SCN11A: variants seen among roughly 807,000 people sequenced by gnomAD.
The protein encoded by SCN11A is sodium voltage-gated channel alpha subunit 11.
Under a neutral mutation model 162.2 loss-of-function variants are expected in SCN11A, and 122 were observed. The ratio of observed to expected loss-of-function variants is 0.75; its 90% confidence interval spans 0.65 to 0.87. SCN11A has a LOEUF of 0.87. Ranked by LOEUF, SCN11A falls within the 40% of genes least tolerant of loss-of-function variation. SCN11A has a pLI of 0.00. For synonymous variants in SCN11A, 758 were observed against 751.5 expected, an observed-to-expected ratio of 1.01 and a Z score of -0.14; for missense variants, 2,015 against 2,181.6, an observed-to-expected ratio of 0.92 and a Z score of 1.52.
At chr3:38,907,310 ATGTGTGTGTGTG>A (rs141158768) in intron 14 of SCN11A, among the ~76,000 whole-genome samples, 66,483 of 119,168 alleles carry the variant, frequency 0.56, 19,854 homozygotes, top group South Asian at 0.68. Flanking sequence ...ACCAACATAT[ATGTGTGTGTGTG>A]TGTGTGTGTG....
intron 3 of SCN11A, among the ~76,000 whole-genome samples, chr3:38,958,953 A>T (rs1346564190): frequency 6.6e-6 from 1 of 152,164 alleles, no homozygotes; most frequent in Admixed American, 6.5e-5. Flanking sequence ...AGAGGCTTTA[A>T]CCTTATACCT....
intron 7 of SCN11A, among the ~76,000 whole-genome samples, chr3:38,937,045 C>A (rs894335924): frequency 1.3e-4 from 20 of 152,100 alleles, no homozygotes; most frequent in African/African-American, 4.6e-4. Context: ...TGGAACAGAA[C>A]AGAGCCCTCA....
chr3:39,048,193 G>C (rs988202737), intron 1 of SCN11A, among the ~76,000 whole-genome samples: 1 of 152,152 alleles, frequency 6.6e-6, no homozygotes, highest in Admixed American at 6.5e-5. Flanking sequence ...TCATAAAAAA[G>C]AATAAAATTA....
At chr3:38,994,827 G>C (rs560573272) in intron 2 of SCN11A, among the ~76,000 whole-genome samples, 70 of 152,116 alleles carry the variant, frequency 4.6e-4, no homozygotes, top group Non-Finnish European at 8.5e-4. Flanking sequence ...ACAGGGCTCT[G>C]GGGGAGAGAC....
In SCN11A at chr3:38,953,217, T is replaced by C. The variant is rs1048853822; in HGVS notation, c.-8+412A>G. On this transcript the variant is annotated intron_variant, in intron 4 of 29. Transcript: ENST00000302328. ...GTGGGAGCTAAATGATAGAAACTCA[T>C]GGACACATAGAGGGGGACAACACAC... Among the ~76,000 whole-genome samples, 9 of 151,944 alleles carry C rather than the reference T, an allele frequency of 5.9e-5. No homozygotes were observed. In the South Asian group the frequency reaches 1.2e-3, roughly 21 times the overall value.
chr3:38,975,142 G>A (rs973219366), intron 2 of SCN11A, among the ~76,000 whole-genome samples: 3 of 151,784 alleles, frequency 2.0e-5, no homozygotes, highest in East Asian at 1.9e-4. Flanking sequence ...TTCAAAAAAC[G>A]ACAGTAAAAT....
At chr3:38,868,930 T>C (rs1444209707) in intron 26 of SCN11A, among the ~76,000 whole-genome samples, 2 of 152,218 alleles carry the variant, frequency 1.3e-5, no homozygotes, top group South Asian at 2.1e-4. Context: ...GGGCCTGTCA[T>C]GTTGGGCCTT....
intron 2 of SCN11A, among the ~76,000 whole-genome samples, chr3:38,961,712 A>AT (rs2066742283): frequency 6.6e-6 from 1 of 152,014 alleles, no homozygotes; most frequent in African/African-American, 2.4e-5. Context: ...TAAAAAAATT[A>AT]TTTTTCTGAT....
chr3:38,929,145 A>G (rs1002156441), intron 7 of SCN11A, among the ~76,000 whole-genome samples: 6 of 108,272 alleles, frequency 5.5e-5, no homozygotes, highest in South Asian at 7.7e-4. Flanking sequence ...GCACACACAC[A>G]CACACACACA....
chr3:38,877,083 CTATATATATGG>C (rs1404889767), intron 23 of SCN11A, among the ~76,000 whole-genome samples: 46 of 39,858 alleles, frequency 1.2e-3, no homozygotes, highest in Admixed American at 2.5e-3. Context: ...GGTGTATATA[CTATATATATGG>C]TATATATATG....
intron 5 of SCN11A, among the ~76,000 whole-genome samples, chr3:38,947,279 A>G (rs1416039521): frequency 6.6e-6 from 1 of 152,244 alleles, no homozygotes; most frequent in East Asian, 1.9e-4. Flanking sequence ...TTTGCAATGA[A>G]TCTTAGAATA....
chr3:39,045,555 T>A (rs1485932512), intron 1 of SCN11A, among the ~76,000 whole-genome samples: 1 of 152,216 alleles, frequency 6.6e-6, no homozygotes, highest in Non-Finnish European at 1.5e-5. Flanking sequence ...AACGATCATC[T>A]TAATCAATGC....
chr3:38,949,056 C>T (rs1267637217), intron 5 of SCN11A, among the ~76,000 whole-genome samples: 1 of 152,226 alleles, frequency 6.6e-6, no homozygotes, highest in Non-Finnish European at 1.5e-5. Flanking sequence ...AATTGAAGTA[C>T]ATGCAAATCA....
chr3:38,878,128 T>TA (rs1420141118), intron 23 of SCN11A, among the ~76,000 whole-genome samples: 3 of 151,512 alleles, frequency 2.0e-5, no homozygotes, highest in Non-Finnish European at 4.4e-5. Context: ...CTTATTCAGG[T>TA]AACCAAACAC....
intron 2 of SCN11A, among the ~76,000 whole-genome samples, chr3:39,024,800 C>T (rs1051510214): frequency 6.7e-6 from 1 of 149,934 alleles, no homozygotes; most frequent in African/African-American, 2.5e-5. Context: ...GCTGGATATC[C>T]CCAGTCTATT....
intron 2 of SCN11A, among the ~76,000 whole-genome samples, chr3:38,972,378 G>T (rs1158299874): frequency 6.6e-6 from 1 of 152,106 alleles, no homozygotes; most frequent in Non-Finnish European, 1.5e-5. Flanking sequence ...TTGGGTCATT[G>T]GCAGCCCAGG....
chr3:38,979,871 A>AC (rs1327988573), intron 2 of SCN11A, among the ~76,000 whole-genome samples: 1 of 152,180 alleles, frequency 6.6e-6, no homozygotes, highest in Non-Finnish European at 1.5e-5. Context: ...CCATTTCCCC[A>AC]CAGATCACAT....
chr3:38,890,654 T>C (rs938565668), intron 19 of SCN11A, among the ~76,000 whole-genome samples: 2 of 152,254 alleles, frequency 1.3e-5, no homozygotes, highest in African/African-American at 4.8e-5. Flanking sequence ...ATAGAGCAAT[T>C]ATCCAGCAAT....
chr3:38,931,039 C>T (rs1452684813), intron 7 of SCN11A, among the ~76,000 whole-genome samples: 1 of 152,244 alleles, frequency 6.6e-6, no homozygotes, highest in African/African-American at 2.4e-5. Flanking sequence ...CTCTCCTGAT[C>T]TGTCTCCTCC....
Sources: gnomAD v4.1 joint callset for allele counts (sites outside exome capture counted in the v4.1 genomes callset) on GRCh38, gnomAD v4.1.1 for gene constraint, MANE v1.5 for transcripts, NCBI Gene and HGNC (gene_info 2026-07-23, HGNC 2026-07-21) for gene names.